SYT14: variants seen among roughly 807,000 people sequenced by gnomAD.
SYT14 encodes the protein synaptotagmin 14.
SYT14 carries 32 observed loss-of-function variants against 74.2 expected under a neutral mutation model. The observed-to-expected ratio is 0.43, with a 90% CI of 0.33 to 0.58. SYT14 has a LOEUF of 0.58. SYT14 is among the 20% of genes least tolerant of loss of function. The probability of loss-of-function intolerance (pLI) is 0.05; values close to 1 mark genes in which losing one functional copy is unlikely to be tolerated. For synonymous variants in SYT14, 298 were observed against 337.7 expected, an observed-to-expected ratio of 0.88 and a Z score of 1.29; for missense variants, 791 against 981.8, an observed-to-expected ratio of 0.81 and a Z score of 2.60.
At chr1:210,075,266 G>A (rs1558171350) in intron 5 of SYT14, among the ~76,000 whole-genome samples, 2 of 151,538 alleles carry the variant, frequency 1.3e-5, no homozygotes, top group Non-Finnish European at 2.9e-5. Context: ...CTGTCCAGCT[G>A]TTTGTGTCTT....
chr1:209,939,564 ATC>A (rs2078696567), intron 1 of SYT14, among the ~76,000 whole-genome samples: 2 of 152,332 alleles, frequency 1.3e-5, no homozygotes, highest in Admixed American at 1.3e-4. Context: ...TCTACCTATA[ATC>A]TATGATGTTC....
At chr1:209,994,720 A>T (rs1317698028) in intron 2 of SYT14, among the ~76,000 whole-genome samples, 1 of 152,168 alleles carries the variant, frequency 6.6e-6, no homozygotes, top group Non-Finnish European at 1.5e-5. Flanking sequence ...TAAAGAAAAA[A>T]TCTTAAAGGC....
At chr1:210,165,601 G>A (rs1327153557) in exon 10 of SYT14, 12 of 152,118 alleles carry the variant, frequency 7.9e-5, no homozygotes, top group African/African-American at 2.9e-4. Context: ...TCAGTGGTGA[G>A]ACAAAAGATT....
chr1:209,950,027 G>A (rs543142690), intron 1 of SYT14, among the ~76,000 whole-genome samples: 1 of 152,138 alleles, frequency 6.6e-6, no homozygotes, highest in East Asian at 1.9e-4. Context: ...TTAGAATGTA[G>A]TAGTTTTTAT....
chr1:210,102,576 A>C lies in SYT14; in HGVS notation c.2034+2115A>C, dbSNP rs141601246. Among the ~76,000 whole-genome samples the C allele has an allele frequency of 3.7e-3, 563 of 152,230 alleles. 7 individuals carry two copies. The highest frequency in any genetic ancestry group is 0.012 in the African/African-American group (513 of 41,548). On this transcript the variant is annotated intron_variant, in intron 7 of 9. Coordinates refer to ENST00000637265, the Ensembl canonical transcript of SYT14. ...TATTAACTTTGTGGGGAGATCTTGT[A>C]ATTGCAGTTTACTTGGGTGAGTTTG...
chr1:209,959,651 G>A (rs1021844145), intron 2 of SYT14, among the ~76,000 whole-genome samples: 31 of 152,128 alleles, frequency 2.0e-4, no homozygotes, highest in Non-Finnish European at 1.3e-4. Flanking sequence ...CGCAAACAGT[G>A]AAAGAAACCA....
chr1:209,941,220 A>G (rs1454507018), intron 1 of SYT14, among the ~76,000 whole-genome samples: 3 of 152,190 alleles, frequency 2.0e-5, no homozygotes, highest in African/African-American at 7.2e-5. Flanking sequence ...TCCTTTTATC[A>G]GTCAGATGTG....
In SYT14 at chr1:210,121,407, G is replaced by A. The variant is rs904271587; in HGVS notation, c.2034+20946G>A. ...TGGAAAAGAAGAAGGTAAAAGTACCGTTATTACAACAGAAGTAGCTAGTAA... is the reference window on the plus strand; with the variant it reads ...TGGAAAAGAAGAAGGTAAAAGTACCATTATTACAACAGAAGTAGCTAGTAA... On this transcript the variant is annotated intron_variant, in intron 7 of 9. Coordinates refer to ENST00000637265, the Ensembl canonical transcript of SYT14. Among the ~76,000 whole-genome samples, 7 of 152,268 alleles carry A rather than the reference G, an allele frequency of 4.6e-5. No individual in the cohort carries two copies. In the East Asian group the frequency reaches 7.7e-4, roughly 17 times the overall value.
intron 7 of SYT14, among the ~76,000 whole-genome samples, chr1:210,150,708 T>C (rs2083140875): frequency 6.6e-6 from 1 of 152,146 alleles, no homozygotes; most frequent in Non-Finnish European, 1.5e-5. Flanking sequence ...CCAGACACAG[T>C]GAGAATTAAG....
At chr1:210,021,540 G>A (rs1050173982) in intron 5 of SYT14, among the ~76,000 whole-genome samples, 1 of 152,188 alleles carries the variant, frequency 6.6e-6, no homozygotes, top group Non-Finnish European at 1.5e-5. Flanking sequence ...TATGAAAGAT[G>A]TGAATCTGCT....
At chr1:210,015,989 A>G in exon 4 of SYT14, 1 of 1,232,022 alleles carries the variant, frequency 8.1e-7, no homozygotes, top group Non-Finnish European at 1.0e-6. Flanking sequence ...CCTTTTAGGA[A>G]CAAGGAATTA....
At chr1:210,057,879 A>G (rs962219548) in intron 5 of SYT14, among the ~76,000 whole-genome samples, 4 of 152,152 alleles carry the variant, frequency 2.6e-5, no homozygotes, top group African/African-American at 4.8e-5. Flanking sequence ...TCTTGTGACT[A>G]TTTGGGGGTA....
chr1:210,046,960 A>G (rs1378165762), intron 5 of SYT14, among the ~76,000 whole-genome samples: 1 of 152,200 alleles, frequency 6.6e-6, no homozygotes, highest in African/African-American at 2.4e-5. Context: ...CTGTAAAATT[A>G]TATTAACATC....
intron 5 of SYT14, among the ~76,000 whole-genome samples, chr1:210,045,693 A>G (rs906248742): frequency 1.3e-5 from 2 of 152,214 alleles, no homozygotes; most frequent in African/African-American, 4.8e-5. Context: ...AGATATATTT[A>G]TCAGAAGTAA....
chr1:210,170,855 T>C (rs2083517384), exon 10 of SYT14: 2 of 152,200 alleles, frequency 1.3e-5, no homozygotes, highest in Admixed American at 6.5e-5. Flanking sequence ...TTATTTTCTT[T>C]AATTGTAAGT....
intron 5 of SYT14, among the ~76,000 whole-genome samples, chr1:210,077,625 G>T (rs922940401): frequency 6.6e-6 from 1 of 152,102 alleles, no homozygotes; most frequent in East Asian, 1.9e-4. Flanking sequence ...AAGTCAAATT[G>T]CAGGGTCATA....
intron 1 of SYT14, among the ~76,000 whole-genome samples, chr1:209,949,371 G>T (rs2078874794): frequency 1.3e-5 from 2 of 151,850 alleles, no homozygotes; most frequent in Admixed American, 6.6e-5. Flanking sequence ...TCAAGAGATC[G>T]AGACCATCCT....
At chr1:209,978,365 A>T (rs2102785929) in intron 2 of SYT14, among the ~76,000 whole-genome samples, 1 of 152,094 alleles carries the variant, frequency 6.6e-6, no homozygotes, top group Middle Eastern at 3.4e-3. Flanking sequence ...GATGATGGTG[A>T]CGTACAGATG....
intron 5 of SYT14, among the ~76,000 whole-genome samples, chr1:210,065,590 A>G (rs1203378962): frequency 6.6e-6 from 1 of 151,648 alleles, no homozygotes. Flanking sequence ...TGAGACAATT[A>G]TATTTTGTCT....
Sources: gnomAD v4.1 joint callset for allele counts (sites outside exome capture counted in the v4.1 genomes callset) on GRCh38, gnomAD v4.1.1 for gene constraint, MANE v1.5 for transcripts, NCBI Gene and HGNC (gene_info 2026-07-23, HGNC 2026-07-21) for gene names.